The following SYNE2 variants were observed in gnomAD, a reference collection of about 807,000 sequenced individuals.
SYNE2 encodes nesprin-2.
SYNE2 carries 431 observed loss-of-function variants against 856.3 expected under a neutral mutation model. The ratio of observed to expected loss-of-function variants is 0.50; its 90% CI spans 0.47 to 0.55. The LOEUF (loss-of-function observed/expected upper bound fraction) is 0.55, where lower values mean the gene tolerates loss of function less well. Ranked by LOEUF, SYNE2 falls within the 20% of genes least tolerant of loss-of-function variation. The pLI, the probability that SYNE2 is intolerant of heterozygous loss-of-function variation, is 0.00. For synonymous variants in SYNE2, 2,923 were observed against 2,872.3 expected, an observed-to-expected ratio of 1.02 and a Z score of -0.56; for missense variants, 8,129 against 8,023.2, an observed-to-expected ratio of 1.01 and a Z score of -0.50.
chr14:64,021,353 A>C lies in SYNE2; in HGVS notation c.5190A>C (p.Val1730=). The change falls in exon 36 of 116, where the codon GTA becomes GTC. Residue 1730 remains valine (V), a synonymous_variant. Transcript: ENST00000555002. The part of the protein sequence containing the change: ...ESSILNKMEH[V]QKCLTGESNC... ...CTATTTTGAACAAGATGGAACATGT[A>C]CAGAAGTGCTTAACAGGAGAATCCA... is the stretch of plus-strand genomic sequence containing the variant. 1 of 1,614,160 alleles carries C rather than the reference A, an allele frequency of 6.2e-7. No homozygotes were observed. Among genetic ancestry groups the C allele is most frequent in the Non-Finnish European group, 8.5e-7 (1 of 1,179,988 alleles).
At chr14:63,820,714 G>A (rs577928309) in intron 1 of SYNE2, among the ~76,000 whole-genome samples, 104 of 151,624 alleles carry the variant, frequency 6.9e-4, no homozygotes, top group Non-Finnish European at 1.2e-3. Flanking sequence ...TGGGATGGAT[G>A]AGCTAGGTGG....
chr14:63,893,519 G>A (rs1423871761), intron 1 of SYNE2, among the ~76,000 whole-genome samples: 3 of 152,108 alleles, frequency 2.0e-5, no homozygotes, highest in Non-Finnish European at 4.4e-5. Flanking sequence ...AGGTAAGATC[G>A]TGCCACTGTA....
At position 64,158,794 on chromosome 14, in the gene SYNE2, A is replaced by C. The variant is rs1456319728; in HGVS notation, c.15962A>C (p.Gln5321Pro). 7 of 1,613,838 alleles carry C rather than the reference A, an allele frequency of 4.3e-6. No individual in the cohort carries two copies. Among genetic ancestry groups the C allele is most frequent in the Non-Finnish European group, 5.9e-6 (7 of 1,179,794 alleles). The change falls in exon 86 of 116, where the codon CAG becomes CCG. Residue 5321 changes from glutamine (Q) to proline (P), a missense_variant and splice_region_variant. This residue lies in a region of SYNE2 where 5,410 missense variants were observed against 5,284.8 expected (regional missense o/e 1.02). Coordinates refer to ENST00000555002, the MANE Select transcript of SYNE2 (RefSeq NM_182914.3). ...TTGAGATGCCAGGTGGAGAACCTTC[A>C]GGTAAATTAACCAGAGCTTGGCATG... ...ETLRCQVENLQSLQDEAESSE... is the reference protein window; with the variant it reads ...ETLRCQVENLPSLQDEAESSE...
intron 53 of SYNE2, among the ~76,000 whole-genome samples, chr14:64,074,561 C>T (rs1298100450): frequency 1.3e-5 from 2 of 152,096 alleles, no homozygotes; most frequent in African/African-American, 4.8e-5. Flanking sequence ...CATTCCAGTC[C>T]AATAGTGACA....
chr14:63,814,446 A>T (rs1888751279), intron 1 of SYNE2, among the ~76,000 whole-genome samples: 1 of 143,452 alleles, frequency 7.0e-6, no homozygotes, highest in South Asian at 2.1e-4. Context: ...ATCCATATAT[A>T]TAATATATAT....
chr14:64,089,771 A>AT lies in SYNE2; in HGVS notation c.11793+78dup. 3 of 1,297,720 alleles carry AT rather than the reference A, an allele frequency of 2.3e-6. No homozygotes were observed. The Admixed American group carries it at 5.5e-5, about 24-fold the overall frequency. The allele number at this position is 1,297,720 out of a possible 1,614,324, so 80.4% of individuals were successfully genotyped here. ...CTTTTTCAAAATATAATATAATGTG[A>AT]TTTAAAAAAGCATTTAGTCTTACCA... On this transcript the variant is annotated intron_variant, in intron 59 of 115. Coordinates refer to ENST00000555002, the MANE Select transcript of SYNE2 (RefSeq NM_182914.3).
chr14:63,761,950 T>A, exon 1 of SYNE2: 1 of 311,378 alleles, frequency 3.2e-6, no homozygotes, highest in Non-Finnish European at 6.7e-6. Flanking sequence ...CGGCACGGGG[T>A]GACGCTGGCT....
chr14:64,164,354 C>T (rs141966892), intron 89 of SYNE2, among the ~76,000 whole-genome samples: 129 of 152,262 alleles, frequency 8.5e-4, no homozygotes, highest in African/African-American at 2.9e-3. Flanking sequence ...TCGTGATCCA[C>T]CTGCCTTGGC....
At chr14:64,055,769 T>G (rs1217922220) in intron 48 of SYNE2, among the ~76,000 whole-genome samples, 175 bp from the exon 49 acceptor site, 1 of 152,142 alleles carries the variant, frequency 6.6e-6, no homozygotes. Flanking sequence ...CTCAGAGACA[T>G]GTATACATAT....
chr14:64,106,004 T>C (rs1256598123), intron 64 of SYNE2, among the ~76,000 whole-genome samples: 1 of 150,502 alleles, frequency 6.6e-6, no homozygotes, highest in Non-Finnish European at 1.5e-5. Context: ...GAAGCTAAGA[T>C]TGCACCACTG....
At chr14:64,139,401 CATT>C (rs1259882889) in intron 79 of SYNE2, among the ~76,000 whole-genome samples, 2 of 151,060 alleles carry the variant, frequency 1.3e-5, no homozygotes, top group Admixed American at 6.6e-5. Flanking sequence ...TAGACTTCCT[CATT>C]ATTATTATTA....
Position 64,142,024 on chromosome 14 carries a change from A to G in SYNE2, c.15242A>G (p.Asp5081Gly). 6.2e-7 allele frequency: 1 copy of G among 1,614,172 alleles called. No individual in the cohort carries two copies. Among genetic ancestry groups the G allele is most frequent in the South Asian group, 1.1e-5 (1 of 91,074 alleles). ...AACAATGTGGAGCATCAAACTTCAG[A>G]TGAAGACTCCGTGCATTCACCAAGT... Reference protein sequence around the residue: ...WMNNVEHQTSDEDSVHSPSSA... With the variant: ...WMNNVEHQTSGEDSVHSPSSA... The change falls in exon 82 of 116, where the codon GAT (aspartate) becomes GGT (glycine). Residue 5081 changes from aspartate (D) to glycine (G), a missense_variant. Physicochemically the swap from Asp to Gly is moderately conservative, Grantham distance 94. Transcript: ENST00000555002.
intron 80 of SYNE2, among the ~76,000 whole-genome samples, chr14:64,141,079 A>T (rs1439365173): frequency 6.6e-6 from 1 of 152,154 alleles, no homozygotes; most frequent in Non-Finnish European, 1.5e-5. Context: ...TTATTGTAAA[A>T]CTTACCCCAT....
intron 7 of SYNE2, 132 bp downstream of exon 7, chr14:63,950,138 A>G (rs1048482907): frequency 3.7e-6 from 4 of 1,070,870 alleles, no homozygotes; most frequent in Middle Eastern, 2.9e-4. Context: ...TGCTTCTTCC[A>G]TACGTGGAAG....
At chr14:64,140,474 C>T (rs112325433) in intron 80 of SYNE2, among the ~76,000 whole-genome samples, 1 of 152,000 alleles carries the variant, frequency 6.6e-6, no homozygotes, top group Non-Finnish European at 1.5e-5. Context: ...CCCAGCTCCT[C>T]GGGAGGCTGA....
At position 64,058,685 on chromosome 14, in the gene SYNE2, C is replaced by G. The variant is rs568996842; in HGVS notation, c.10067+2419C>G. ...TAGTAGAGACAGGGTTTCCCCATGTCGGCCAGGCTGGTCTCGAATTCCTGA... is the reference window on the plus strand; with the variant it reads ...TAGTAGAGACAGGGTTTCCCCATGTGGGCCAGGCTGGTCTCGAATTCCTGA... On this transcript the variant is annotated intron_variant, in intron 49 of 115. Coordinates refer to ENST00000555002, the MANE Select transcript of SYNE2 (RefSeq NM_182914.3). Among the ~76,000 whole-genome samples, 4 of 152,134 alleles carry G rather than the reference C, an allele frequency of 2.6e-5. No individual in the cohort carries two copies. In the East Asian group the frequency reaches 7.7e-4, roughly 29 times the overall value.
intron 67 of SYNE2, 49 bp from the exon 68 acceptor site, chr14:64,120,878 G>A (rs2097893220): frequency 6.3e-7 from 1 of 1,597,374 alleles, no homozygotes; most frequent in African/African-American, 1.3e-5. Flanking sequence ...AGATAAAGTG[G>A]AGTTTATTTT....
chr14:64,116,040 GTGTATC>G (rs1329761009), intron 66 of SYNE2, among the ~76,000 whole-genome samples: 1 of 152,086 alleles, frequency 6.6e-6, no homozygotes, highest in African/African-American at 2.4e-5. Context: ...GCATGGTGGT[GTGTATC>G]TGTAGTCCCA....
At chr14:64,053,822 A>G (rs568876870) in intron 48 of SYNE2, among the ~76,000 whole-genome samples, 165 bp downstream of exon 48, 1 of 152,286 alleles carries the variant, frequency 6.6e-6, no homozygotes, top group South Asian at 2.1e-4. Flanking sequence ...AAAAAAAATT[A>G]GCTGGGTATG....
Sources: allele counts gnomAD v4.1 joint callset (sites outside exome capture counted in the v4.1 genomes callset), GRCh38; gene constraint gnomAD v4.1.1; regional missense constraint gnomAD v4.1.1; transcripts MANE v1.5; gene names NCBI Gene and HGNC (gene_info 2026-07-23, HGNC 2026-07-21).